BABAM2: variants seen among roughly 807,000 people sequenced by gnomAD.
The protein encoded by BABAM2 is BRISC and BRCA1-A complex member 2.
Under a neutral mutation model 54.7 loss-of-function variants are expected in BABAM2, and 31 were observed. The ratio of observed to expected loss-of-function variants is 0.57; its 90% CI spans 0.43 to 0.77. The LOEUF is 0.77. Ranked by LOEUF, BABAM2 falls within the 30% of genes least tolerant of loss-of-function variation. The probability of loss-of-function intolerance (pLI) is 0.00; values close to 1 mark genes in which losing one functional copy is unlikely to be tolerated. For synonymous variants in BABAM2, 167 were observed against 162.9 expected, an observed-to-expected ratio of 1.03 and a Z score of -0.19; for missense variants, 364 against 455.8, an observed-to-expected ratio of 0.80 and a Z score of 1.83.
At chr2:27,997,995 A>G (rs1169762931) in intron 4 of BABAM2, among the ~76,000 whole-genome samples, 2 of 152,116 alleles carry the variant, frequency 1.3e-5, no homozygotes, top group African/African-American at 2.4e-5. Context: ...TCTACTAAAA[A>G]TACAAAAATT....
chr2:28,149,700 G>C (rs1671838888), intron 7 of BABAM2, among the ~76,000 whole-genome samples: 1 of 152,094 alleles, frequency 6.6e-6, no homozygotes, highest in Non-Finnish European at 1.5e-5. Flanking sequence ...TTCTTGATGG[G>C]TGGTTGTTAG....
At chr2:27,984,764 G>A (rs980856626) in intron 3 of BABAM2, among the ~76,000 whole-genome samples, 3 of 151,672 alleles carry the variant, frequency 2.0e-5, no homozygotes, top group Non-Finnish European at 2.9e-5. Context: ...ATTCTTTAGC[G>A]GTGATTTCTG....
chr2:27,948,147 A>G (rs1370481151), intron 3 of BABAM2, among the ~76,000 whole-genome samples: 1 of 151,956 alleles, frequency 6.6e-6, no homozygotes, highest in African/African-American at 2.4e-5. Context: ...TTAGTATTCC[A>G]TGTACAGGTT....
At chr2:28,052,663 C>A (rs1678089475) in intron 6 of BABAM2, among the ~76,000 whole-genome samples, 1 of 152,096 alleles carries the variant, frequency 6.6e-6, no homozygotes. Context: ...TATCAATGTT[C>A]TCTCCTGGAA....
chr2:28,015,053 C>T (rs1224740633), intron 4 of BABAM2, among the ~76,000 whole-genome samples: 1 of 152,144 alleles, frequency 6.6e-6, no homozygotes, highest in East Asian at 1.9e-4. Flanking sequence ...GGGTCTTTCT[C>T]ATGCTGCAAA....
chr2:28,293,801 T>C (rs1687476295), intron 10 of BABAM2, among the ~76,000 whole-genome samples: 2 of 151,908 alleles, frequency 1.3e-5, no homozygotes, highest in Admixed American at 1.3e-4. Flanking sequence ...GAGGATCACC[T>C]GAGGCCAGCA....
In BABAM2 at chr2:28,105,827, T is replaced by G. The variant is rs185549729; in HGVS notation, c.571-23444T>G. 1.3e-5 allele frequency among the ~76,000 whole-genome samples: 2 copies of G among 152,166 alleles called. 1 individual carries two copies. The highest frequency in any genetic ancestry group is 3.9e-4 in the East Asian group (2 of 5,180). ...GTGAGATTCTTTAATTTGGGAAAAA[T>G]AGTTATATTTGGGGGAATTATACAT... On this transcript the variant is annotated intron_variant, in intron 6 of 11. Transcript: ENST00000379624.
intron 11 of BABAM2, among the ~76,000 whole-genome samples, chr2:28,330,864 A>G (rs373638133): frequency 1.3e-5 from 2 of 152,226 alleles, no homozygotes; most frequent in African/African-American, 4.8e-5. Flanking sequence ...ACTAAAAAAG[A>G]GCCCGTATAG....
chr2:28,242,127 C>T (rs1280585234), intron 9 of BABAM2, among the ~76,000 whole-genome samples: 5 of 152,138 alleles, frequency 3.3e-5, no homozygotes, highest in Admixed American at 6.5e-5. Flanking sequence ...ATGGAAGTCG[C>T]GCCCCTAGAA....
chr2:28,052,588 G>A (rs570385021), intron 6 of BABAM2, among the ~76,000 whole-genome samples: 8 of 151,974 alleles, frequency 5.3e-5, no homozygotes, highest in Admixed American at 3.3e-4. Flanking sequence ...ACACCCGGCC[G>A]TAATCATAGA....
At position 27,940,089 on chromosome 2, in the gene BABAM2, A is replaced by G. The variant is rs750474017; in HGVS notation, c.205+10181A>G. Among the ~76,000 whole-genome samples, 67 of 152,348 alleles carry G rather than the reference A, an allele frequency of 4.4e-4. 1 individual carries two copies. Among genetic ancestry groups the G allele is most frequent in the Admixed American group, 9.8e-4 (15 of 15,306 alleles). ...CTTGAATCTCACAATTGCAGAAGACACAACTCCTCCTGCAACATATTCTAT... is the reference window on the plus strand; with the variant it reads ...CTTGAATCTCACAATTGCAGAAGACGCAACTCCTCCTGCAACATATTCTAT... On this transcript the variant is annotated intron_variant, in intron 3 of 11. Transcript: ENST00000379624.
At chr2:28,101,676 T>G (rs1183448225) in intron 6 of BABAM2, among the ~76,000 whole-genome samples, 1 of 152,204 alleles carries the variant, frequency 6.6e-6, no homozygotes, top group African/African-American at 2.4e-5. Context: ...CTCACCCTCT[T>G]AGAATTTCTA....
intron 11 of BABAM2, among the ~76,000 whole-genome samples, chr2:28,306,149 C>G (rs1408324377): frequency 6.6e-6 from 1 of 152,130 alleles, no homozygotes; most frequent in African/African-American, 2.4e-5. Context: ...AGCATGTGAT[C>G]TATCTTGATA....
chr2:28,216,734 GAAGA>G (rs1679950016), intron 7 of BABAM2, among the ~76,000 whole-genome samples: 1 of 152,098 alleles, frequency 6.6e-6, no homozygotes, highest in African/African-American at 2.4e-5. Context: ...TTCACCATAA[GAAGA>G]AAGAAACAGT....
chr2:28,297,661 G>A (rs968824094), intron 10 of BABAM2, among the ~76,000 whole-genome samples: 1 of 152,180 alleles, frequency 6.6e-6, no homozygotes, highest in African/African-American at 2.4e-5. Context: ...GTTCCATTAA[G>A]GAACTCCCAC....
intron 7 of BABAM2, among the ~76,000 whole-genome samples, chr2:28,155,116 G>A (rs910939458): frequency 6.6e-6 from 1 of 151,852 alleles, no homozygotes; most frequent in East Asian, 1.9e-4. Context: ...CTTGAAGGTC[G>A]GCACCTCAGA....
intron 11 of BABAM2, chr2:28,310,186 A>T: frequency 4.4e-6 from 7 of 1,599,648 alleles, no homozygotes; most frequent in Non-Finnish European, 6.0e-6. Context: ...TTAGAACCTG[A>T]CATCTGTTGC....
At chr2:28,162,659 A>T (rs1269307805) in intron 7 of BABAM2, among the ~76,000 whole-genome samples, 1 of 152,200 alleles carries the variant, frequency 6.6e-6, no homozygotes, top group African/African-American at 2.4e-5. Context: ...TTCCTCGCAC[A>T]CTAGAGCAGT....
At chr2:28,264,398 C>T (rs1161306975) in intron 10 of BABAM2, among the ~76,000 whole-genome samples, 3 of 152,134 alleles carry the variant, frequency 2.0e-5, no homozygotes, top group Non-Finnish European at 4.4e-5. Flanking sequence ...TTTTATTTGG[C>T]TATATGCTTG....
Sources: gnomAD v4.1 joint callset for allele counts (sites outside exome capture counted in the v4.1 genomes callset) on GRCh38, gnomAD v4.1.1 for gene constraint, MANE v1.5 for transcripts, NCBI Gene and HGNC (gene_info 2026-07-23, HGNC 2026-07-21) for gene names.